KRABD3: variants seen among roughly 807,000 people sequenced by gnomAD.
The protein encoded by KRABD3 is KRAB domain-containing protein 3.
chr7:149,728,706 G>A, the KRABD3 span: 2 of 1,608,152 alleles, frequency 1.2e-6, no homozygotes, highest in Non-Finnish European at 1.7e-6. Flanking sequence ...CCTGGGTGTA[G>A]ACAGGGCTGC....
the KRABD3 span, chr7:149,722,841 T>G: frequency 6.2e-7 from 1 of 1,613,282 alleles, no homozygotes; most frequent in Non-Finnish European, 8.5e-7. Flanking sequence ...AGGAAATCCT[T>G]GTGCCTGGGC....
the KRABD3 span, chr7:149,724,026 G>A: frequency 2.2e-6 from 2 of 893,956 alleles, no homozygotes; most frequent in Non-Finnish European, 3.4e-6. Flanking sequence ...CGGATGCGGG[G>A]GATCCCCACT....
chr7:149,714,965 G>A, the KRABD3 span: 1 of 1,104,588 alleles, frequency 9.1e-7, no homozygotes, highest in Non-Finnish European at 1.1e-6. Context: ...TCTCCTGCGC[G>A]GACCTGGGCC....
chr7:149,731,502 G>A, the KRABD3 span, among the ~76,000 whole-genome samples: 1 of 152,206 alleles, frequency 6.6e-6, no homozygotes, highest in Non-Finnish European at 1.5e-5. Context: ...CACGCACCGC[G>A]GCGGGCCCTG....
At chr7:149,729,285 C>T in the KRABD3 span, 2 of 1,603,412 alleles carry the variant, frequency 1.2e-6, no homozygotes. Context: ...AGGTGTTCAC[C>T]TCCAGCTGCG....
chr7:149,720,275 G>A, the KRABD3 span: 2 of 928,538 alleles, frequency 2.2e-6, no homozygotes, highest in South Asian at 1.6e-5. Context: ...TCATCCCTCT[G>A]GGCTGGAAGC....
the KRABD3 span, chr7:149,733,368 G>C: frequency 6.2e-7 from 1 of 1,612,080 alleles, no homozygotes; most frequent in Non-Finnish European, 8.5e-7. Flanking sequence ...GAGCTGCACA[G>C]CCTCGGTGCT....
chr7:149,730,483 T>C, the KRABD3 span: 3 of 1,609,080 alleles, frequency 1.9e-6, no homozygotes, highest in African/African-American at 4.0e-5. Context: ...CATGTCCTGG[T>C]GGGACCCCTG....
the KRABD3 span, chr7:149,724,705 C>G: frequency 1.3e-6 from 2 of 1,550,344 alleles, no homozygotes; most frequent in South Asian, 1.2e-5. Context: ...AGCTGGCGGT[C>G]TGCTCTCTGT....
the KRABD3 span, chr7:149,731,555 T>C: frequency 1.2e-6 from 1 of 846,584 alleles, no homozygotes; most frequent in Non-Finnish European, 1.9e-6. Context: ...TTCCGTCTTC[T>C]ATCTCATTTA....
chr7:149,720,269 C>T, the KRABD3 span: 1 of 958,426 alleles, frequency 1.0e-6, no homozygotes, highest in Non-Finnish European at 1.5e-6. Context: ...CACCCCTCAT[C>T]CCTCTGGGCT....
At chr7:149,724,653 G>C in the KRABD3 span, 1 of 1,526,176 alleles carries the variant, frequency 6.6e-7, no homozygotes, top group Non-Finnish European at 8.8e-7. Context: ...CTCCCGCAGG[G>C]CCTGGATACC....
At chr7:149,722,142 A>G in the KRABD3 span, 1 of 485,696 alleles carries the variant, frequency 2.1e-6, no homozygotes, top group Non-Finnish European at 3.8e-6. Context: ...GAGAAGCGTG[A>G]GTGTGAGATT....
At chr7:149,724,404 G>A in the KRABD3 span, among the ~76,000 whole-genome samples, 1 of 152,162 alleles carries the variant, frequency 6.6e-6, no homozygotes, top group Admixed American at 6.5e-5. Flanking sequence ...CATGATTGGT[G>A]CTGTCTGGGG....
At chr7:149,715,116 C>T in the KRABD3 span, 1 of 1,230,876 alleles carries the variant, frequency 8.1e-7, no homozygotes, top group Non-Finnish European at 1.0e-6. Context: ...GCCCCGAAGG[C>T]GGTAGGGCGA....
the KRABD3 span, chr7:149,725,332 T>A: frequency 6.3e-7 from 1 of 1,594,218 alleles, no homozygotes; most frequent in Non-Finnish European, 8.5e-7. Flanking sequence ...TGCCTCAAGC[T>A]CACCGCTGGA....
At chr7:149,728,927 TGTCCCGGCCGTGCCA>T in the KRABD3 span, among the ~76,000 whole-genome samples, 35 of 152,338 alleles carry the variant, frequency 2.3e-4, no homozygotes, top group African/African-American at 8.2e-4. Flanking sequence ...TGGGTGTCCT[TGTCCCGGCCGTGCCA>T]GCCCCACGAG....
chr7:149,723,569 C>G, the KRABD3 span: 2 of 642,088 alleles, frequency 3.1e-6, no homozygotes, highest in South Asian at 2.2e-5. Context: ...CTGTCCGGTT[C>G]TGGCAGGTGT....
the KRABD3 span, chr7:149,730,411 T>C: frequency 6.3e-7 from 1 of 1,577,084 alleles, no homozygotes; most frequent in African/African-American, 1.3e-5. Flanking sequence ...TGATGCCAGC[T>C]TTGTTTGTGA....
Sources: allele counts gnomAD v4.1 joint callset (sites outside exome capture counted in the v4.1 genomes callset), GRCh38; gene constraint gnomAD v4.1.1; transcripts MANE v1.5; gene names NCBI Gene and HGNC (gene_info 2026-07-23, HGNC 2026-07-21).